The following GABRB1 variants were observed in gnomAD, a reference collection of about 807,000 sequenced individuals.
GABRB1 encodes the protein gamma-aminobutyric acid receptor subunit beta-1.
GABRB1 carries 17 observed loss-of-function variants against 51.6 expected under a neutral mutation model. That is an observed-to-expected ratio of 0.33 (90% CI 0.23 to 0.49). GABRB1 has a LOEUF of 0.49. GABRB1 is among the 20% of genes least tolerant of loss of function. The pLI, the probability that GABRB1 is intolerant of heterozygous loss-of-function variation, is 0.99. For synonymous variants in GABRB1, 247 were observed against 218.9 expected (o/e 1.13, Z -1.14); for missense variants, 410 against 600.6 (o/e 0.68, Z 3.32).
At chr4:47,036,998 A>G (rs1424991307) in intron 3 of GABRB1, among the ~76,000 whole-genome samples, 1 of 152,196 alleles carries the variant, frequency 6.6e-6, no homozygotes, top group East Asian at 1.9e-4. Context: ...AGTTAATGCC[A>G]TAATTGATGA....
At chr4:47,261,956 T>G (rs1722457358) in intron 4 of GABRB1, among the ~76,000 whole-genome samples, 3 of 151,804 alleles carry the variant, frequency 2.0e-5, no homozygotes, top group Admixed American at 2.0e-4. Context: ...GATTCCCTAT[T>G]TAATAAATGG....
chr4:47,421,310 T>A (rs1246151464), intron 8 of GABRB1, among the ~76,000 whole-genome samples: 1 of 152,126 alleles, frequency 6.6e-6, no homozygotes, highest in Non-Finnish European at 1.5e-5. Context: ...AAATGTACCT[T>A]GTTAACCCTG....
At chr4:47,162,677 C>T (rs1718014135) in intron 4 of GABRB1, among the ~76,000 whole-genome samples, 1 of 151,990 alleles carries the variant, frequency 6.6e-6, no homozygotes, top group African/African-American at 2.4e-5. Context: ...AAGGTAATGG[C>T]AGAACTGGGA....
chr4:47,123,834 A>T (rs1577929091), intron 3 of GABRB1, among the ~76,000 whole-genome samples: 1 of 81,926 alleles, frequency 1.2e-5, no homozygotes, highest in Non-Finnish European at 2.2e-5. Context: ...TATATTATAT[A>T]TTATATTATA....
At chr4:47,090,047 A>G (rs1415622179) in intron 3 of GABRB1, among the ~76,000 whole-genome samples, 1 of 152,346 alleles carries the variant, frequency 6.6e-6, no homozygotes, top group East Asian at 1.9e-4. Flanking sequence ...TTCTTCCTTC[A>G]GTAAATTTTC....
chr4:47,258,189 A>G (rs745583736), intron 4 of GABRB1, among the ~76,000 whole-genome samples: 2 of 152,172 alleles, frequency 1.3e-5, no homozygotes, highest in Non-Finnish European at 2.9e-5. Context: ...ATATACAGTT[A>G]TATGTAACTA....
chr4:47,218,403 A>T (rs1720636768), intron 4 of GABRB1, among the ~76,000 whole-genome samples: 1 of 151,762 alleles, frequency 6.6e-6, no homozygotes. Context: ...GTTTTTTGAG[A>T]AACCTCCATA....
intron 3 of GABRB1, among the ~76,000 whole-genome samples, chr4:47,078,085 G>A (rs1201983411): frequency 6.7e-6 from 1 of 148,748 alleles, no homozygotes; most frequent in African/African-American, 2.5e-5. Flanking sequence ...TACCTTCCGG[G>A]TTCAAGCAAT....
chr4:47,240,639 TGC>T (rs1298821558), intron 4 of GABRB1, among the ~76,000 whole-genome samples: 2 of 152,194 alleles, frequency 1.3e-5, no homozygotes, highest in South Asian at 4.1e-4. Flanking sequence ...AAGAACTAAT[TGC>T]CTTTCCTTTC....
chr4:47,314,561 G>A (rs1449066504), intron 4 of GABRB1, among the ~76,000 whole-genome samples: 1 of 151,960 alleles, frequency 6.6e-6, no homozygotes, highest in African/African-American at 2.4e-5. Flanking sequence ...ACACTCTCAA[G>A]TATCCCTAAG....
At chr4:47,424,903 G>A (rs1462359031) in intron 8 of GABRB1, among the ~76,000 whole-genome samples, 1 of 152,194 alleles carries the variant, frequency 6.6e-6, no homozygotes, top group East Asian at 1.9e-4. Context: ...GGAAGCATCA[G>A]TGAACAACAG....
At chr4:47,019,625 C>CTCTCTTTCTTTCTTTCTT (rs1274221477) in intron 1 of GABRB1, among the ~76,000 whole-genome samples, 1 of 91,104 alleles carries the variant, frequency 1.1e-5, no homozygotes, top group African/African-American at 4.4e-5. Flanking sequence ...TTCTTTCTCT[C>CTCTCTTTCTTTCTTTCTT]TCTTTCTTTC....
At chr4:47,406,660 G>C (rs1470356106) in intron 7 of GABRB1, 22 bp from the exon 8 acceptor site, 2 of 1,613,792 alleles carry the variant, frequency 1.2e-6, no homozygotes, top group South Asian at 1.1e-5. Context: ...CTTCAGCTAA[G>C]TGTTGTCTTT....
At chr4:47,408,956 T>C (rs1728667912) in intron 8 of GABRB1, among the ~76,000 whole-genome samples, 1 of 152,184 alleles carries the variant, frequency 6.6e-6, no homozygotes. Context: ...TAGGAAAGAA[T>C]AATGAAGAAA....
intron 4 of GABRB1, among the ~76,000 whole-genome samples, chr4:47,206,876 G>T (rs962205623): frequency 6.6e-6 from 1 of 151,438 alleles, no homozygotes; most frequent in African/African-American, 2.4e-5. Flanking sequence ...ATGTGTGTGT[G>T]TATGTATATA....
chr4:47,040,115 T>C (rs1000540667), intron 3 of GABRB1, among the ~76,000 whole-genome samples: 2 of 152,198 alleles, frequency 1.3e-5, no homozygotes, highest in African/African-American at 4.8e-5. Context: ...TCCTCCACTT[T>C]CATTTTAAAA....
intron 3 of GABRB1, among the ~76,000 whole-genome samples, chr4:47,140,397 T>A (rs1167823514): frequency 6.6e-6 from 1 of 151,930 alleles, no homozygotes; most frequent in Non-Finnish European, 1.5e-5. Flanking sequence ...ATGAAATTTA[T>A]AATAGCTAGA....
In GABRB1 at chr4:47,078,934, T is replaced by A. The variant is rs1190627941; in HGVS notation, c.240+46450T>A. On this transcript the variant is annotated intron_variant, in intron 3 of 8. Coordinates refer to ENST00000295454, the MANE Select transcript of GABRB1 (RefSeq NM_000812.4). The stretch of plus-strand genomic sequence containing the variant: ...GAGGCTTGGCCATTCAATAAAGAAG[T>A]AGGGTCATTGCATCCCAGGGATGAA... Among the ~76,000 whole-genome samples, 5 of 152,162 alleles carry A rather than the reference T, an allele frequency of 3.3e-5. No homozygotes were observed. The East Asian group carries it at 9.6e-4, about 29-fold the overall frequency.
chr4:47,350,340 T>A (rs1175855283), intron 5 of GABRB1, among the ~76,000 whole-genome samples: 1 of 150,202 alleles, frequency 6.7e-6, no homozygotes, highest in Non-Finnish European at 1.5e-5. Context: ...GTAACTTAAA[T>A]TTATGTGTAC....
Sources: allele counts gnomAD v4.1 joint callset (sites outside exome capture counted in the v4.1 genomes callset), GRCh38; gene constraint gnomAD v4.1.1; transcripts MANE v1.5; gene names NCBI Gene and HGNC (gene_info 2026-07-23, HGNC 2026-07-21).